The following PLEK2 variants were observed in gnomAD, a reference collection of about 807,000 sequenced individuals.
PLEK2 encodes the protein pleckstrin-2.
Under a neutral mutation model 43.8 loss-of-function variants are expected in PLEK2, and 29 were observed. The ratio of observed to expected loss-of-function variants is 0.66; its 90% confidence interval spans 0.49 to 0.90. The LOEUF is 0.90. PLEK2 is among the 40% of genes least tolerant of loss of function. PLEK2 has a pLI of 0.00. For synonymous variants in PLEK2, 162 were observed against 173.2 expected (o/e 0.94, Z 0.51); for missense variants, 398 against 448.1 (o/e 0.89, Z 1.01).
At chr14:67,397,301 G>A (rs937843167) in intron 2 of PLEK2, among the ~76,000 whole-genome samples, 4 of 152,110 alleles carry the variant, frequency 2.6e-5, no homozygotes, top group African/African-American at 9.7e-5. Context: ...CCCCTCAGGG[G>A]ATGAAAGCCA....
chr14:67,392,904 T>C (rs1438967149), intron 4 of PLEK2, 55 bp from the exon 5 acceptor site: 1 of 1,448,796 alleles, frequency 6.9e-7, no homozygotes, highest in Non-Finnish European at 9.4e-7. Flanking sequence ...GTCCTTGGGG[T>C]GTGTGGCCAA....
chr14:67,391,875 G>A (rs1277983873), intron 6 of PLEK2, among the ~76,000 whole-genome samples: 5 of 152,116 alleles, frequency 3.3e-5, no homozygotes, highest in East Asian at 1.9e-4. Flanking sequence ...TCAACCTACC[G>A]ACATGGTGGA....
intron 1 of PLEK2, among the ~76,000 whole-genome samples, chr14:67,407,068 C>T (rs1595661067): frequency 6.6e-6 from 1 of 152,244 alleles, no homozygotes; most frequent in South Asian, 2.1e-4. Context: ...GCTTATGAGA[C>T]ACAGAATGTT....
chr14:67,402,480 T>C (rs2086055056), intron 1 of PLEK2, among the ~76,000 whole-genome samples: 2 of 152,246 alleles, frequency 1.3e-5, no homozygotes. Flanking sequence ...TATTATTGAC[T>C]ATAGTCACCC....
At position 67,387,470 on chromosome 14, in the gene PLEK2, AG is replaced by A. The variant is rs764432690; in HGVS notation, c.935-15del. 6.3e-7 allele frequency: 1 copy of A among 1,596,804 alleles called. No individual in the cohort carries two copies. The highest frequency in any genetic ancestry group is 8.5e-7 in the Non-Finnish European group (1 of 1,174,188). On this transcript the variant is annotated splice_polypyrimidine_tract_variant and intron_variant, in intron 8 of 8. Coordinates refer to ENST00000216446, the MANE Select transcript of PLEK2 (RefSeq NM_016445.3). Reference sequence around the variant, plus strand: ...TCCCTTTAACCCCTAGGCAGAAAAAAGGGGGAAAAAAATCAGTGATTGAATA... The same window carrying A: ...TCCCTTTAACCCCTAGGCAGAAAAAAGGGGAAAAAAATCAGTGATTGAATA...
At chr14:67,398,970 TTTGTAACTGAGG>T (rs1429759079) in intron 1 of PLEK2, among the ~76,000 whole-genome samples, 16 of 152,256 alleles carry the variant, frequency 1.1e-4, no homozygotes, top group Non-Finnish European at 1.9e-4. Flanking sequence ...ACTTCTATTG[TTTGTAACTGAGG>T]TTGTTCCATT....
At chr14:67,391,358 G>A (rs1389477855) in intron 6 of PLEK2, among the ~76,000 whole-genome samples, 1 of 150,070 alleles carries the variant, frequency 6.7e-6, no homozygotes, top group Admixed American at 6.6e-5. Flanking sequence ...ACAAACCTTA[G>A]CCCTCCTAGT....
Position 67,392,851 on chromosome 14 carries a change from T to C in PLEK2, c.482-2A>G, listed in dbSNP as rs779495839. 2 of 1,607,676 alleles carry C rather than the reference T, an allele frequency of 1.2e-6. No individual in the cohort carries two copies. The highest frequency in any genetic ancestry group is 1.1e-5 in the South Asian group (1 of 90,432). On this transcript the variant is annotated splice_acceptor_variant, in intron 4 of 8. Coordinates refer to ENST00000216446, the MANE Select transcript of PLEK2 (RefSeq NM_016445.3). LOFTEE classifies it high-confidence loss of function. ...TGAGCCAGTCCACCAGGGAGGAGCC[T>C]GGCCAAGGGCAGCACCAGTCAGGCG... is the stretch of plus-strand genomic sequence containing the variant.
At position 67,388,293 on chromosome 14, in the gene PLEK2, T is replaced by C. The variant is rs2085941350; in HGVS notation, c.865A>G (p.Arg289Gly). ...CGAAGAGAAAACCCACCCACTGGCC[T>C]GTTCTCTTCCTGTAGAGGAAAGGAG... ...HYYDPSKEEN[R>G]PVGGFSLRGS... The change falls in exon 8 of 9, where the codon AGG becomes GGG. Residue 289 changes from arginine (R) to glycine (G), a missense_variant. Coordinates refer to ENST00000216446, the MANE Select transcript of PLEK2 (RefSeq NM_016445.3). 10 of 1,610,888 alleles carry C rather than the reference T, an allele frequency of 6.2e-6. No homozygotes were observed. The Admixed American group carries it at 8.3e-5, about 13-fold the overall frequency.
chr14:67,403,540 C>T (rs2086061431), intron 1 of PLEK2, among the ~76,000 whole-genome samples: 1 of 152,196 alleles, frequency 6.6e-6, no homozygotes, highest in South Asian at 2.1e-4. Flanking sequence ...TATATGTCCT[C>T]CAAGAAACCC....
intron 2 of PLEK2, among the ~76,000 whole-genome samples, chr14:67,396,592 C>A (rs1426850630): frequency 1.3e-5 from 2 of 152,232 alleles, no homozygotes; most frequent in Non-Finnish European, 2.9e-5. Context: ...TCCCCAGAAG[C>A]CACACCCACC....
At chr14:67,405,728 T>C (rs954751034) in intron 1 of PLEK2, among the ~76,000 whole-genome samples, 6 of 152,186 alleles carry the variant, frequency 3.9e-5, no homozygotes, top group Non-Finnish European at 7.3e-5. Context: ...TCTGATTATT[T>C]GCTGTGGGAA....
At chr14:67,408,953 G>A (rs1036124270) in intron 1 of PLEK2, among the ~76,000 whole-genome samples, 2 of 151,598 alleles carry the variant, frequency 1.3e-5, no homozygotes, top group East Asian at 3.9e-4. Context: ...TTGGCCAGGC[G>A]CCTATAATCC....
In PLEK2 at chr14:67,387,255, C is replaced by T. The variant is rs1047350; in HGVS notation, c.*74G>A. On this transcript the variant is annotated 3_prime_UTR_variant, in exon 9 of 9. Transcript: ENST00000216446. ...CTTACAAAGAAGTCAAAAGTCTTAA[C>T]ACTCCCATTCTCCAGGAACTCTTGT... 0.02 allele frequency: 28,623 copies of T among 1,445,672 alleles called. 362 individuals carry two copies. The highest frequency in any genetic ancestry group is 0.076 in the Middle Eastern group (420 of 5,506). The allele number at this position is 1,445,672 out of a possible 1,614,324, so 89.6% of individuals were successfully genotyped here.
At chr14:67,398,678 T>C (rs2086027754) in intron 1 of PLEK2, among the ~76,000 whole-genome samples, 1 of 151,302 alleles carries the variant, frequency 6.6e-6, no homozygotes, top group African/African-American at 2.4e-5. Context: ...CTAAACTACT[T>C]CCCGAGTGGC....
At chr14:67,410,391 T>C (rs569760592) in intron 1 of PLEK2, among the ~76,000 whole-genome samples, 2 of 152,080 alleles carry the variant, frequency 1.3e-5, no homozygotes, top group East Asian at 3.9e-4. Context: ...GCTCTCACTC[T>C]CCCTCCCACC....
At chr14:67,391,623 C>T (rs1410870162) in intron 6 of PLEK2, among the ~76,000 whole-genome samples, 1 of 152,178 alleles carries the variant, frequency 6.6e-6, no homozygotes, top group Non-Finnish European at 1.5e-5. Context: ...TGCAGACACA[C>T]ACATTCACAT....
intron 1 of PLEK2, among the ~76,000 whole-genome samples, chr14:67,404,771 A>G (rs762926308): frequency 2.0e-5 from 3 of 151,836 alleles, no homozygotes; most frequent in African/African-American, 7.2e-5. Context: ...GATCACACCA[A>G]TGAACTCCAT....
chr14:67,389,080 C>T (rs1342151520), intron 7 of PLEK2, among the ~76,000 whole-genome samples: 1 of 151,750 alleles, frequency 6.6e-6, no homozygotes, highest in Admixed American at 6.6e-5. Context: ...TACAAAACTG[C>T]GATTGGTGGT....
Sources: gnomAD v4.1 joint callset for allele counts (sites outside exome capture counted in the v4.1 genomes callset) on GRCh38, gnomAD v4.1.1 for gene constraint, MANE v1.5 for transcripts, NCBI Gene and HGNC (gene_info 2026-07-23, HGNC 2026-07-21) for gene names.